Variants in FARS2 observed in about 807,000 individuals in gnomAD.
FARS2 encodes phenylalanyl-tRNA synthetase 2, mitochondrial.
FARS2 carries 40 observed loss-of-function variants against 46.4 expected under a neutral mutation model. The observed-to-expected ratio is 0.86, with a 90% CI of 0.67 to 1.12. FARS2 has a LOEUF of 1.12. Ranked by LOEUF, FARS2 falls within the 50% of genes most tolerant of loss-of-function variation. FARS2 has a pLI of 0.00. For synonymous variants in FARS2, 234 were observed against 214.9 expected, an observed-to-expected ratio of 1.09 and a Z score of -0.78; for missense variants, 513 against 567.9, an observed-to-expected ratio of 0.90 and a Z score of 0.98.
At chr6:5,482,163 A>G (rs911625588) in intron 4 of FARS2, among the ~76,000 whole-genome samples, 14 of 152,210 alleles carry the variant, frequency 9.2e-5, no homozygotes, top group South Asian at 2.1e-4. Flanking sequence ...GATGGAAAAT[A>G]AATAAATGCC....
intron 4 of FARS2, among the ~76,000 whole-genome samples, chr6:5,539,638 AGG>A: frequency 6.6e-6 from 1 of 152,024 alleles, no homozygotes; most frequent in Non-Finnish European, 1.5e-5. Context: ...GTATTTGTGA[AGG>A]TAACTGTTTT....
intron 1 of FARS2, among the ~76,000 whole-genome samples, chr6:5,288,612 A>G (rs1234843586): frequency 6.6e-6 from 1 of 152,172 alleles, no homozygotes; most frequent in Admixed American, 6.5e-5. Context: ...TCTCCCATTC[A>G]TTCAACAAGT....
intron 6 of FARS2, chr6:5,665,011 G>A (rs1231045683): frequency 3.9e-5 from 6 of 152,184 alleles, no homozygotes; most frequent in African/African-American, 1.4e-4. Context: ...GAGTATACTT[G>A]TTGCTTCAGG....
rs189778040 is a variant in FARS2 at position 5,546,398 on chromosome 6, C to G, written c.1065+1058C>G. ...CCTGAGCAGCTGGGATTACAGGCGC[C>G]CACCACTACGCCCAGCTAATTTTGT... On this transcript the variant is annotated intron_variant, in intron 5 of 6. Transcript: ENST00000274680. Among the ~76,000 whole-genome samples the G allele has an allele frequency of 5.6e-4, 84 of 151,308 alleles. No individual in the cohort carries two copies. In the East Asian group the frequency reaches 0.016, roughly 29 times the overall value.
chr6:5,699,485 C>T (rs1359559308), intron 6 of FARS2, among the ~76,000 whole-genome samples: 2 of 151,888 alleles, frequency 1.3e-5, no homozygotes, highest in Non-Finnish European at 2.9e-5. Flanking sequence ...GAATCAGGGT[C>T]TGGATCTTAA....
intron 6 of FARS2, among the ~76,000 whole-genome samples, chr6:5,648,455 T>C (rs1013602838): frequency 4.6e-5 from 7 of 152,174 alleles, no homozygotes; most frequent in Admixed American, 4.6e-4. Context: ...GTTCTCTGCA[T>C]CCTGAGTGGG....
chr6:5,438,773 C>T (rs1349341234), intron 4 of FARS2, among the ~76,000 whole-genome samples: 1 of 152,150 alleles, frequency 6.6e-6, no homozygotes, highest in Non-Finnish European at 1.5e-5. Context: ...TCAAAATGCT[C>T]CAATGTGCAT....
At chr6:5,679,152 C>CCAA (rs1370930410) in intron 6 of FARS2, among the ~76,000 whole-genome samples, 3 of 152,186 alleles carry the variant, frequency 2.0e-5, no homozygotes, top group African/African-American at 7.2e-5. Context: ...CTGCAATTGA[C>CCAA]CTGTTGAAGG....
chr6:5,436,696 T>C (rs1222998553), intron 4 of FARS2, among the ~76,000 whole-genome samples: 1 of 152,226 alleles, frequency 6.6e-6, no homozygotes, highest in Non-Finnish European at 1.5e-5. Context: ...GGGCCTTAAG[T>C]GGTCATTCTC....
chr6:5,408,827 A>G (rs1395697303), intron 3 of FARS2, among the ~76,000 whole-genome samples: 1 of 152,162 alleles, frequency 6.6e-6, no homozygotes, highest in Non-Finnish European at 1.5e-5. Flanking sequence ...CTGAGGGAAC[A>G]AGAAGGAGCT....
chr6:5,559,157 CT>C (rs1157521384), intron 5 of FARS2, among the ~76,000 whole-genome samples: 1 of 152,104 alleles, frequency 6.6e-6, no homozygotes, highest in Non-Finnish European at 1.5e-5. Flanking sequence ...AATCCCAGCA[CT>C]TTGGGAGGCT....
chr6:5,628,767 G>A lies in FARS2; in HGVS notation c.1217+15447G>A, dbSNP rs554838581. 2.6e-5 allele frequency among the ~76,000 whole-genome samples: 4 copies of A among 152,354 alleles called. 1 individual carries two copies. The South Asian group carries it at 8.3e-4, about 32-fold the overall frequency. ...CTGGTGTTCTGGCGCCCAGCCGCAT[G>A]CTGCCCTTCCCACAGCCTGGTTATC... On this transcript the variant is annotated intron_variant, in intron 6 of 6. Transcript: ENST00000274680.
chr6:5,627,034 G>A lies in FARS2; in HGVS notation c.1217+13714G>A, dbSNP rs114145260. Among the ~76,000 whole-genome samples, 1,517 of 152,320 alleles carry A rather than the reference G, an allele frequency of 1.0e-2. 25 individuals carry two copies. Among genetic ancestry groups the A allele is most frequent in the African/African-American group, 0.032 (1,328 of 41,562 alleles). The stretch of plus-strand genomic sequence containing the variant: ...AAACATACTTCATAAAAGTGGCAGC[G>A]TAGTAGGTTTGTTCACACCGCATCA... On this transcript the variant is annotated intron_variant, in intron 6 of 6. Transcript: ENST00000274680.
At chr6:5,504,548 A>G (rs1011959476) in intron 4 of FARS2, among the ~76,000 whole-genome samples, 13 of 152,144 alleles carry the variant, frequency 8.5e-5, no homozygotes, top group Non-Finnish European at 2.9e-5. Context: ...TGTGGACTTA[A>G]CAGAAACATC....
chr6:5,717,639 C>T (rs1395112560), intron 6 of FARS2, among the ~76,000 whole-genome samples: 4 of 152,084 alleles, frequency 2.6e-5, no homozygotes, highest in Admixed American at 6.5e-5. Context: ...TATCTACTTA[C>T]TTCCATATAT....
At chr6:5,474,066 A>T (rs932067635) in intron 4 of FARS2, among the ~76,000 whole-genome samples, 5 of 152,142 alleles carry the variant, frequency 3.3e-5, no homozygotes, top group African/African-American at 1.2e-4. Flanking sequence ...AGTTCTGTGA[A>T]GGCAGGAAAA....
chr6:5,550,520 C>A (rs763440371), intron 5 of FARS2, among the ~76,000 whole-genome samples: 7 of 152,218 alleles, frequency 4.6e-5, no homozygotes, highest in Non-Finnish European at 7.3e-5. Flanking sequence ...CCTGCCTTGG[C>A]CTCCCACAGT....
At chr6:5,771,108 G>C (rs1199739066) in intron 6 of FARS2, among the ~76,000 whole-genome samples, 183 bp from the exon 7 acceptor site, 1 of 152,210 alleles carries the variant, frequency 6.6e-6, no homozygotes, top group Non-Finnish European at 1.5e-5. Context: ...TCAAGCGAAT[G>C]TTTCCCTGAC....
intron 6 of FARS2, among the ~76,000 whole-genome samples, chr6:5,713,210 GTA>G (rs753075069): frequency 1.3e-5 from 2 of 152,228 alleles, no homozygotes; most frequent in African/African-American, 2.4e-5. Flanking sequence ...TATACACAGT[GTA>G]TGTCAGGTTA....
Sources: gnomAD v4.1 joint callset for allele counts (sites outside exome capture counted in the v4.1 genomes callset) on GRCh38, gnomAD v4.1.1 for gene constraint, MANE v1.5 for transcripts, NCBI Gene and HGNC (gene_info 2026-07-23, HGNC 2026-07-21) for gene names.